Variants in LINGO2 observed in about 807,000 individuals in gnomAD.
LINGO2 encodes the protein leucine-rich repeat and immunoglobulin-like domain-containing nogo receptor-interacting protein 2.
Under a neutral mutation model 30.6 loss-of-function variants are expected in LINGO2, and 14 were observed. The observed-to-expected ratio is 0.46, with a 90% confidence interval of 0.30 to 0.72. The LOEUF is 0.72. Ranked by LOEUF, LINGO2 falls within the 30% of genes least tolerant of loss-of-function variation. LINGO2 has a pLI of 0.07. For missense variants in LINGO2, 729 were observed against 751.7 expected (o/e 0.97, Z 0.35); for synonymous variants, 317 against 288.5 (o/e 1.10, Z -1.00).
intron 5 of LINGO2, among the ~76,000 whole-genome samples, chr9:27,958,578 T>C (rs1819689658): frequency 6.6e-6 from 1 of 152,160 alleles, no homozygotes; most frequent in African/African-American, 2.4e-5. Context: ...CATATAACTT[T>C]TATTATAGTA....
intron 4 of LINGO2, among the ~76,000 whole-genome samples, chr9:28,041,700 T>C (rs1189071809): frequency 2.6e-5 from 4 of 152,238 alleles, no homozygotes; most frequent in Non-Finnish European, 5.9e-5. Context: ...TTGGCAGAGA[T>C]GTGAGCCCAG....
chr9:28,327,092 A>G (rs1825257110), intron 3 of LINGO2, among the ~76,000 whole-genome samples: 1 of 152,132 alleles, frequency 6.6e-6, no homozygotes, highest in Non-Finnish European at 1.5e-5. Context: ...TACCATTACA[A>G]AAAGGCTTGT....
intron 1 of LINGO2, among the ~76,000 whole-genome samples, chr9:28,629,460 T>A (rs1826832681): frequency 6.6e-6 from 1 of 152,106 alleles, no homozygotes. Flanking sequence ...AAAATTTCCC[T>A]TTCTCTTAGG....
At chr9:28,895,807 A>T in the LINGO2 span, among the ~76,000 whole-genome samples, 3 of 152,196 alleles carry the variant, frequency 2.0e-5, no homozygotes, top group African/African-American at 7.2e-5. Context: ...TGTTACTTAG[A>T]TATAAGACAA....
rs541486952 is a variant in LINGO2, at chr9:28,628,497, A to G, written c.-365+41703T>C. Reference sequence around the variant, plus strand: ...TGCTGATTTACAGAGAAGGTTCCTCAGTACTTTATACTTTGCAAACTCATA... The same window carrying G: ...TGCTGATTTACAGAGAAGGTTCCTCGGTACTTTATACTTTGCAAACTCATA... On this transcript the variant is annotated intron_variant, in intron 1 of 5. Transcript: ENST00000379992. Among the ~76,000 whole-genome samples the G allele has an allele frequency of 2.6e-5, 4 of 152,224 alleles. No individual in the cohort carries two copies. The East Asian group carries it at 7.7e-4, about 29-fold the overall frequency.
At chr9:28,974,680 A>G in the LINGO2 span, among the ~76,000 whole-genome samples, 1 of 152,128 alleles carries the variant, frequency 6.6e-6, no homozygotes, top group South Asian at 2.1e-4. Context: ...GCAAGTGGAC[A>G]CAGATGTCAG....
the LINGO2 span, among the ~76,000 whole-genome samples, chr9:28,814,058 T>A: frequency 6.6e-6 from 1 of 152,156 alleles, no homozygotes; most frequent in South Asian, 2.1e-4. Context: ...TAGAGATAAT[T>A]CAGCTTAAAA....
At chr9:28,988,505 T>G in the LINGO2 span, among the ~76,000 whole-genome samples, 1 of 151,898 alleles carries the variant, frequency 6.6e-6, no homozygotes, top group African/African-American at 2.4e-5. Context: ...TGTCTTTTAT[T>G]GGTGAATTTA....
At chr9:29,077,067 C>T in the LINGO2 span, among the ~76,000 whole-genome samples, 1 of 151,936 alleles carries the variant, frequency 6.6e-6, no homozygotes, top group East Asian at 1.9e-4. Flanking sequence ...CTCTTCCAAA[C>T]ATAAGGAAAT....
chr9:28,209,139 C>T (rs1820507277), intron 4 of LINGO2, among the ~76,000 whole-genome samples: 1 of 151,944 alleles, frequency 6.6e-6, no homozygotes, highest in South Asian at 2.1e-4. Context: ...ATCTTTCATC[C>T]CAATTTTTCA....
chr9:28,487,375 A>T (rs2135250453), intron 1 of LINGO2, among the ~76,000 whole-genome samples: 1 of 152,300 alleles, frequency 6.6e-6, no homozygotes, highest in Non-Finnish European at 1.5e-5. Flanking sequence ...GATTTAGCAT[A>T]AGCCAATCCT....
chr9:28,248,691 T>C (rs1235897957), intron 4 of LINGO2, among the ~76,000 whole-genome samples: 1 of 152,210 alleles, frequency 6.6e-6, no homozygotes, highest in Non-Finnish European at 1.5e-5. Flanking sequence ...GTGATTATTA[T>C]GCATTGCATG....
chr9:28,248,290 G>A (rs1008873496), intron 4 of LINGO2, among the ~76,000 whole-genome samples: 7 of 152,054 alleles, frequency 4.6e-5, no homozygotes, highest in Non-Finnish European at 8.8e-5. Flanking sequence ...AAGAATGAGA[G>A]TCTGTCATTT....
chr9:28,794,832 CTT>C, the LINGO2 span, among the ~76,000 whole-genome samples: 1 of 147,912 alleles, frequency 6.8e-6, no homozygotes, highest in African/African-American at 2.6e-5. Flanking sequence ...TTTCTTTTTT[CTT>C]TCTTTTTTTT....
chr9:28,957,144 C>T, the LINGO2 span, among the ~76,000 whole-genome samples: 1 of 152,096 alleles, frequency 6.6e-6, no homozygotes, highest in Non-Finnish European at 1.5e-5. Flanking sequence ...TAGCCTATTA[C>T]TTAGTCTCTT....
At chr9:29,212,572 G>C in the LINGO2 span, among the ~76,000 whole-genome samples, 2 of 152,148 alleles carry the variant, frequency 1.3e-5, no homozygotes, top group Non-Finnish European at 2.9e-5. Context: ...ATGGCAATTG[G>C]GGGTGGGTCT....
At chr9:28,749,698 G>A in the LINGO2 span, among the ~76,000 whole-genome samples, 3 of 151,956 alleles carry the variant, frequency 2.0e-5, no homozygotes, top group South Asian at 2.1e-4. Flanking sequence ...CAAATATACC[G>A]TGGAAGGTCC....
the LINGO2 span, among the ~76,000 whole-genome samples, chr9:28,832,959 C>A: frequency 8.0e-6 from 1 of 124,882 alleles, no homozygotes; most frequent in African/African-American, 2.9e-5. Flanking sequence ...TAGTGGCTGA[C>A]GTAGTACATT....
chr9:28,764,089 C>A, the LINGO2 span, among the ~76,000 whole-genome samples: 1 of 150,686 alleles, frequency 6.6e-6, no homozygotes, highest in African/African-American at 2.4e-5. Flanking sequence ...TGAATTCTAC[C>A]AAAAATCGGA....
Sources: gnomAD v4.1 joint callset for allele counts (sites outside exome capture counted in the v4.1 genomes callset) on GRCh38, gnomAD v4.1.1 for gene constraint, MANE v1.5 for transcripts, NCBI Gene and HGNC (gene_info 2026-07-23, HGNC 2026-07-21) for gene names.